MED15: variants seen among roughly 807,000 people sequenced by gnomAD.
MED15 encodes mediator of RNA polymerase II transcription subunit 15.
MED15 carries 41 observed loss-of-function variants against 118.7 expected under a neutral mutation model. The ratio of observed to expected loss-of-function variants is 0.35; its 90% CI spans 0.27 to 0.45. The LOEUF is 0.45. MED15 is among the 20% of genes least tolerant of loss of function. The pLI is 1.00. For missense variants in MED15, 740 were observed against 1,025.5 expected (o/e 0.72, Z 3.80); for synonymous variants, 436 against 413.9 (o/e 1.05, Z -0.65).
At chr22:20,575,253 AGGGCACGGCTG>A in intron 9 of MED15, 21 bp downstream of exon 9, 1 of 1,611,186 alleles carries the variant, frequency 6.2e-7, no homozygotes, top group African/African-American at 1.3e-5. Context: ...GGCAGCGCCC[AGGGCACGGCTG>A]GGAGCTCGGG....
intron 9 of MED15, among the ~76,000 whole-genome samples, chr22:20,575,737 T>A (rs143453290): frequency 3.9e-4 from 58 of 150,234 alleles, no homozygotes; most frequent in East Asian, 3.5e-3. Context: ...TAATGGAAAA[T>A]ATATATATAA....
chr22:20,545,967 C>T (rs2055518545), intron 2 of MED15, among the ~76,000 whole-genome samples: 1 of 152,180 alleles, frequency 6.6e-6, no homozygotes, highest in South Asian at 2.1e-4. Context: ...AGGGCACATC[C>T]CCACCCTCAG....
At chr22:20,517,127 C>G (rs1032577252) in intron 1 of MED15, among the ~76,000 whole-genome samples, 1 of 151,194 alleles carries the variant, frequency 6.6e-6, no homozygotes, top group Non-Finnish European at 1.5e-5. Flanking sequence ...TGGTAGAGAC[C>G]AGGTCTTGGT....
At chr22:20,550,188 T>C (rs1348885095) in intron 2 of MED15, among the ~76,000 whole-genome samples, 1 of 152,124 alleles carries the variant, frequency 6.6e-6, no homozygotes, top group Non-Finnish European at 1.5e-5. Context: ...CATACCACTG[T>C]CCTTCAGGGA....
intron 9 of MED15, among the ~76,000 whole-genome samples, chr22:20,578,062 C>G (rs2056874568): frequency 6.6e-6 from 1 of 152,064 alleles, no homozygotes; most frequent in African/African-American, 2.4e-5. Flanking sequence ...GTAGCTGGGA[C>G]TACAGGCGCC....
At chr22:20,584,700 C>T in intron 14 of MED15, 155 bp from the exon 15 acceptor site, 1 of 1,037,342 alleles carries the variant, frequency 9.6e-7, no homozygotes, top group Admixed American at 2.3e-5. Flanking sequence ...GGGGATTATT[C>T]CCAGGATCAG....
intron 7 of MED15, 117 bp downstream of exon 7, chr22:20,566,934 C>A: frequency 6.6e-7 from 1 of 1,516,940 alleles, no homozygotes; most frequent in East Asian, 2.3e-5. Context: ...AGACTTCAGG[C>A]AGCCCCCACC....
rs2056463624 is a variant in MED15 at position 20,566,926 on chromosome 22, A to G, written c.1041+109A>G. On this transcript the variant is annotated intron_variant, in intron 7 of 17. Transcript: ENST00000263205. ...CATATCCTATTCTTCAAGTGCTGAG[A>G]CTTCAGGCAGCCCCCACCCCTTGCC... 2.6e-6 allele frequency: 4 copies of G among 1,532,526 alleles called. No individual in the cohort carries two copies. The African/African-American group carries it at 4.1e-5, about 16-fold the overall frequency. 94.9% of individuals were successfully genotyped at this position (1,532,526 alleles called of 1,614,324 possible).
intron 1 of MED15, among the ~76,000 whole-genome samples, chr22:20,510,196 G>A (rs1456246373): frequency 6.6e-6 from 1 of 152,040 alleles, no homozygotes; most frequent in African/African-American, 2.4e-5. Flanking sequence ...ACCCATCCTG[G>A]CCAACACGGT....
chr22:20,584,048 C>G, intron 13 of MED15: 1 of 408,090 alleles, frequency 2.5e-6, no homozygotes, highest in Non-Finnish European at 4.5e-6. Context: ...TGGGTTGATC[C>G]TTTGTTAGGG....
chr22:20,569,824 A>G (rs184945166), intron 8 of MED15, among the ~76,000 whole-genome samples: 212 of 152,096 alleles, frequency 1.4e-3, no homozygotes, highest in African/African-American at 4.8e-3. Context: ...ATGAGGTTGG[A>G]GGTCTCTGCC....
intron 6 of MED15, 66 bp from the exon 7 acceptor site, chr22:20,566,399 TCA>T (rs2056439847): frequency 1.3e-6 from 2 of 1,587,146 alleles, no homozygotes; most frequent in South Asian, 2.3e-5. Flanking sequence ...GCCCAGACTG[TCA>T]CAGGGAGGAG....
chr22:20,516,400 TTTTA>T (rs2054260320), intron 1 of MED15, among the ~76,000 whole-genome samples: 1 of 152,066 alleles, frequency 6.6e-6, no homozygotes, highest in Admixed American at 6.6e-5. Context: ...GACAAACCCC[TTTTA>T]TTTGTTTTTG....
intron 1 of MED15, among the ~76,000 whole-genome samples, chr22:20,524,537 T>C (rs1213241721): frequency 6.6e-6 from 1 of 152,220 alleles, no homozygotes; most frequent in Non-Finnish European, 1.5e-5. Context: ...TTGGCCTCAC[T>C]CATCCTGAGG....
At position 20,512,835 on chromosome 22, in the gene MED15, G is replaced by A. The variant is rs1455490824; in HGVS notation, c.68+5089G>A. On this transcript the variant is annotated intron_variant, in intron 1 of 17. Coordinates refer to ENST00000263205, the MANE Select transcript of MED15 (RefSeq NM_001003891.3). ...TCGGTTCCTTCAACCTCTGCCTCCC[G>A]GGTTCAAGCGATTCTCCTGCCTCAG... Among the ~76,000 whole-genome samples, 4 of 147,036 alleles carry A rather than the reference G, an allele frequency of 2.7e-5. No individual in the cohort carries two copies. The South Asian group carries it at 6.5e-4, about 24-fold the overall frequency.
chr22:20,551,393 C>G lies in MED15; in HGVS notation c.157-43C>G, dbSNP rs1423296239. 2.5e-6 allele frequency: 4 copies of G among 1,583,042 alleles called. No homozygotes were observed. In the African/African-American group the frequency reaches 4.0e-5, roughly 16 times the overall value. ...GGGAAGGGGGAGTCCGATGACTGCGCTTCTTCATCTGGTATTAAACTGCTT... is the reference window on the plus strand; with the variant it reads ...GGGAAGGGGGAGTCCGATGACTGCGGTTCTTCATCTGGTATTAAACTGCTT... On this transcript the variant is annotated intron_variant, in intron 2 of 17. Transcript: ENST00000263205.
At chr22:20,564,786 C>G in intron 6 of MED15, 98 bp downstream of exon 6, 1 of 1,563,776 alleles carries the variant, frequency 6.4e-7, no homozygotes. Flanking sequence ...CGGAGCCAGC[C>G]GAGGGTTCTC....
chr22:20,570,257 T>G (rs1424804264), intron 8 of MED15, among the ~76,000 whole-genome samples: 1 of 152,002 alleles, frequency 6.6e-6, no homozygotes, highest in Admixed American at 6.6e-5. Flanking sequence ...TCTCTTGACC[T>G]CGTGATCTGC....
intron 5 of MED15, among the ~76,000 whole-genome samples, chr22:20,557,546 C>G (rs1189469647): frequency 6.6e-6 from 1 of 152,102 alleles, no homozygotes; most frequent in Non-Finnish European, 1.5e-5. Context: ...TTCCTTGTCA[C>G]GTTCTACTCT....
Sources: gnomAD v4.1 joint callset for allele counts (sites outside exome capture counted in the v4.1 genomes callset) on GRCh38, gnomAD v4.1.1 for gene constraint, MANE v1.5 for transcripts, NCBI Gene and HGNC (gene_info 2026-07-23, HGNC 2026-07-21) for gene names.